Variants in LOXL4 observed in about 807,000 individuals in gnomAD.
LOXL4 encodes lysyl oxidase homolog 4.
LOXL4 carries 72 observed loss-of-function variants against 89.1 expected under a neutral mutation model. The ratio of observed to expected loss-of-function variants is 0.81; its 90% CI spans 0.67 to 0.98. The LOEUF is 0.98. Ranked by LOEUF, LOXL4 falls within the 50% of genes least tolerant of loss-of-function variation. The probability of loss-of-function intolerance (pLI) is 0.00; values close to 1 mark genes in which losing one functional copy is unlikely to be tolerated. For missense variants in LOXL4, 984 were observed against 1,017.5 expected (o/e 0.97, Z 0.45); for synonymous variants, 355 against 392.1 (o/e 0.91, Z 1.12).
intron 1 of LOXL4, among the ~76,000 whole-genome samples, chr10:98,266,729 C>T (rs1395076649): frequency 2.0e-5 from 3 of 152,164 alleles, no homozygotes; most frequent in Non-Finnish European, 4.4e-5. Flanking sequence ...GCCTCCAAGC[C>T]TTTGCTCTCA....
intron 14 of LOXL4, among the ~76,000 whole-genome samples, 173 bp downstream of exon 14, chr10:98,250,892 T>C (rs1028012341): frequency 6.6e-6 from 1 of 152,240 alleles, no homozygotes; most frequent in Non-Finnish European, 1.5e-5. Flanking sequence ...TGACCAGTTC[T>C]AGAAGTCTGC....
chr10:98,261,036 T>C lies in LOXL4; in HGVS notation c.548A>G (p.Tyr183Cys), dbSNP rs1372880348. The C allele has an allele frequency of 6.2e-7, 1 of 1,614,054 alleles. No homozygotes were observed. Among genetic ancestry groups the C allele is most frequent in the Non-Finnish European group, 8.5e-7 (1 of 1,180,024 alleles). ...PVTEGAVEVKYEGHWRQVCDQ... is the reference protein window; with the variant it reads ...PVTEGAVEVKCEGHWRQVCDQ... Reference sequence around the variant, plus strand: ...ACACACCTGCCGCCAGTGGCCCTCATACTTCACCTCCACGGCTCCCTCGGT... The same window carrying C: ...ACACACCTGCCGCCAGTGGCCCTCACACTTCACCTCCACGGCTCCCTCGGT... The change falls in exon 4 of 15, where the codon TAT (tyrosine) becomes TGT (cysteine). Residue 183 changes from tyrosine to cysteine, a missense_variant. By Grantham distance (194) the Tyr-to-Cys change is radical. Transcript: ENST00000260702.
chr10:98,251,044 T>G (rs1268170242), intron 14 of LOXL4, 21 bp downstream of exon 14: 2 of 1,577,070 alleles, frequency 1.3e-6, no homozygotes, highest in Admixed American at 3.3e-5. Flanking sequence ...GATGGCTGAT[T>G]CCACAGTGGC....
Position 98,262,034 on chromosome 10 carries a change from C to T in LOXL4, c.456+1G>A. The stretch of plus-strand genomic sequence containing the variant: ...GACCAGAGCCTGAACAGCCTCCTCA[C>T]CTGGGGCCCAAGGGCATTGGAGACA... On this transcript the variant is annotated splice_donor_variant, in intron 3 of 14. Coordinates refer to ENST00000260702, the MANE Select transcript of LOXL4 (RefSeq NM_032211.7). LOFTEE classifies it high-confidence loss of function. 6.2e-7 allele frequency: 1 copy of T among 1,604,028 alleles called. No individual in the cohort carries two copies. The highest frequency in any genetic ancestry group is 8.5e-7 in the Non-Finnish European group (1 of 1,174,954).
chr10:98,251,254 C>T (rs867647710), intron 13 of LOXL4, 78 bp from the exon 14 acceptor site: 1 of 1,094,100 alleles, frequency 9.1e-7, no homozygotes, highest in South Asian at 1.3e-5. Flanking sequence ...ATAATCCTTA[C>T]ATGTGTTTCT....
chr10:98,259,078 G>A lies in LOXL4; in HGVS notation c.852C>T (p.Val284=). 4 of 1,590,162 alleles carry A rather than the reference G, an allele frequency of 2.5e-6. No individual in the cohort carries two copies. The highest frequency in any genetic ancestry group is 3.4e-6 in the Non-Finnish European group (4 of 1,167,634). Residue 284 remains valine, a synonymous_variant, in exon 6 of 15, where the codon GTC becomes GTT. Transcript: ENST00000260702. ...PACPGGMHAV[V]SCVAGPHFRP... ...GGAAGTGAGGCCCTGCCACACAGCTGACCACAGCGTGCATGCCACCTGGGC... is the reference window on the plus strand; with the variant it reads ...GGAAGTGAGGCCCTGCCACACAGCTAACCACAGCGTGCATGCCACCTGGGC...
Position 98,260,909 on chromosome 10 carries a change from G to A in LOXL4, c.662+13C>T. On this transcript the variant is annotated intron_variant, in intron 4 of 14. Coordinates refer to ENST00000260702, the MANE Select transcript of LOXL4 (RefSeq NM_032211.7). ...CCTGCCTCCTGTGGGGCCTACGCCAGCCGCCCTCCTACCTGTAGTAGTGGC... is the reference window on the plus strand; with the variant it reads ...CCTGCCTCCTGTGGGGCCTACGCCAACCGCCCTCCTACCTGTAGTAGTGGC... 6.3e-7 allele frequency: 1 copy of A among 1,599,172 alleles called. No homozygotes were observed. The highest frequency in any genetic ancestry group is 8.5e-7 in the Non-Finnish European group (1 of 1,173,016).
rs370254191 is a variant in LOXL4 at position 98,249,029 on chromosome 10, T to A, written c.2201-38A>T. ...GGAAAACAGGTAAGTAGCCAACCTT[T>A]CCAGTCTCATCCCTTCCCTGACAAC... On this transcript the variant is annotated intron_variant, in intron 14 of 14. Transcript: ENST00000260702. The A allele has an allele frequency of 5.4e-5, 82 of 1,517,970 alleles. No individual in the cohort carries two copies. The South Asian group carries it at 8.4e-4, about 16-fold the overall frequency. The allele number at this position is 1,517,970 out of a possible 1,614,324, so 94.0% of individuals were successfully genotyped here.
chr10:98,250,498 A>G (rs1372550698), intron 14 of LOXL4, among the ~76,000 whole-genome samples: 5 of 152,322 alleles, frequency 3.3e-5, no homozygotes, highest in South Asian at 4.1e-4. Flanking sequence ...CATAGCAAAT[A>G]TGGGCATTTT....
chr10:98,251,520 A>G, intron 13 of LOXL4, 46 bp downstream of exon 13: 1 of 1,606,260 alleles, frequency 6.2e-7, no homozygotes, highest in Non-Finnish European at 8.5e-7. Flanking sequence ...GTTGTGGAAC[A>G]TCTGGAGGAA....
Position 98,262,824 on chromosome 10 carries a change from C to T in LOXL4, c.196G>A (p.Glu66Lys), listed in dbSNP as rs1858584033. The change falls in exon 2 of 15, where the codon GAG becomes AAG. Residue 66 changes from glutamate (E) to lysine (K), a missense_variant. Glu to Lys is a moderately conservative substitution (Grantham distance 56). Coordinates refer to ENST00000260702, the MANE Select transcript of LOXL4 (RefSeq NM_032211.7). The stretch of plus-strand genomic sequence containing the variant: ...AGCTGGCGGCAAGCCACTGTGGCCT[C>T]CTGGATAGCAAAGTTGTCATCACAC... ...TVCDDNFAIQ[E>K]ATVACRQLGF... 10 of 1,613,698 alleles carry T rather than the reference C, an allele frequency of 6.2e-6. 1 individual carries two copies. In the South Asian group the frequency reaches 1.1e-4, roughly 18 times the overall value.
rs1348493398 is a variant in LOXL4 at position 98,247,856 on chromosome 10, G to T, written c.*1065C>A. Reference sequence around the variant, plus strand: ...AGCAAATCAGAGCCCCATCAAGCAGGAATGGTGGCCTTTCCCAGGTTCCAT... The same window carrying T: ...AGCAAATCAGAGCCCCATCAAGCAGTAATGGTGGCCTTTCCCAGGTTCCAT... On this transcript the variant is annotated 3_prime_UTR_variant, in exon 15 of 15. Transcript: ENST00000260702. 6.6e-6 allele frequency: 1 copy of T among 152,146 alleles called. No homozygotes were observed. Among genetic ancestry groups the T allele is most frequent in the Non-Finnish European group, 1.5e-5 (1 of 68,032 alleles). 9.4% of individuals were successfully genotyped at this position (152,146 alleles called of 1,614,324 possible).
chr10:98,265,055 G>T (rs1285625234), intron 1 of LOXL4, among the ~76,000 whole-genome samples: 1 of 152,226 alleles, frequency 6.6e-6, no homozygotes, highest in Non-Finnish European at 1.5e-5. Context: ...TGGGAGTGGG[G>T]ATGTGTTGTG....
intron 6 of LOXL4, 121 bp downstream of exon 6, chr10:98,258,888 C>T (rs1460728896): frequency 4.3e-6 from 3 of 689,696 alleles, no homozygotes; most frequent in East Asian, 2.8e-5. Context: ...GTGATTCACT[C>T]TCCTCCTCCC....
intron 1 of LOXL4, among the ~76,000 whole-genome samples, chr10:98,265,075 C>T (rs549355385): frequency 1.3e-5 from 2 of 152,276 alleles, no homozygotes; most frequent in South Asian, 4.2e-4. Flanking sequence ...GTCCCCAGTT[C>T]CCAAAATAGT....
intron 2 of LOXL4, 82 bp downstream of exon 2, chr10:98,262,661 G>T: frequency 6.6e-7 from 1 of 1,518,460 alleles, no homozygotes; most frequent in Non-Finnish European, 9.0e-7. Context: ...GGTATTAAAG[G>T]ATGGGTGGGT....
rs371299265 is a variant in LOXL4 at position 98,248,101 on chromosome 10, T to A, written c.*820A>T. On this transcript the variant is annotated 3_prime_UTR_variant, in exon 15 of 15. Coordinates refer to ENST00000260702, the MANE Select transcript of LOXL4 (RefSeq NM_032211.7). ...GTGGTGATCCTGAGAGAGAGCAGAC[T>A]GCCTGCCAGGTAAATGGTCCATATT... 2 of 152,412 alleles carry A rather than the reference T, an allele frequency of 1.3e-5. No individual in the cohort carries two copies. Among genetic ancestry groups the A allele is most frequent in the East Asian group, 1.9e-4 (1 of 5,182 alleles). The allele number at this position is 152,412 out of a possible 1,614,324, so 9.4% of individuals were successfully genotyped here. A position where few individuals can be genotyped will look rare whatever the true frequency, so the allele number is the denominator to read the frequency against.
rs1858084722 is a variant in LOXL4, at chr10:98,247,947, A to T, written c.*974T>A. ...GGTCTTCTGTCTCTTGCTCTGCCAA[A>T]CTTGTTTTCTTATCTCTGTAGAGAT... On this transcript the variant is annotated 3_prime_UTR_variant, in exon 15 of 15. Coordinates refer to ENST00000260702, the MANE Select transcript of LOXL4 (RefSeq NM_032211.7). 6.6e-6 allele frequency: 1 copy of T among 152,148 alleles called. No homozygotes were observed. The highest frequency in any genetic ancestry group is 6.5e-5 in the Admixed American group (1 of 15,278). 9.4% of individuals were successfully genotyped at this position (152,148 alleles called of 1,614,324 possible). A position where few individuals can be genotyped will look rare whatever the true frequency, so the allele number is the denominator to read the frequency against.
At chr10:98,249,666 G>A (rs1858131541) in intron 14 of LOXL4, among the ~76,000 whole-genome samples, 1 of 152,174 alleles carries the variant, frequency 6.6e-6, no homozygotes, top group Non-Finnish European at 1.5e-5. Flanking sequence ...AGCCCTGTTG[G>A]ATCCTAAACA....
Sources: gnomAD v4.1 joint callset for allele counts (sites outside exome capture counted in the v4.1 genomes callset) on GRCh38, gnomAD v4.1.1 for gene constraint, MANE v1.5 for transcripts, NCBI Gene and HGNC (gene_info 2026-07-23, HGNC 2026-07-21) for gene names.